The following PITPNC1 variants were observed in gnomAD, a reference collection of about 807,000 sequenced individuals.
The protein encoded by PITPNC1 is cytoplasmic phosphatidylinositol transfer protein 1.
Under a neutral mutation model 44.7 loss-of-function variants are expected in PITPNC1, and 18 were observed. The observed-to-expected ratio is 0.40, with a 90% CI of 0.28 to 0.60. The LOEUF is 0.60. Among genes scored for constraint, PITPNC1 ranks in the 20% least tolerant of loss-of-function variants. The pLI is 0.39. For synonymous variants in PITPNC1, 141 were observed against 149.6 expected (o/e 0.94, Z 0.42); for missense variants, 290 against 418.4 (o/e 0.69, Z 2.68).
At chr17:67,409,379 C>A (rs1030584172) in intron 1 of PITPNC1, among the ~76,000 whole-genome samples, 1 of 151,938 alleles carries the variant, frequency 6.6e-6, no homozygotes, top group South Asian at 2.1e-4. Flanking sequence ...CCACCGCGCC[C>A]GGCCCCAAAT....
intron 1 of PITPNC1, among the ~76,000 whole-genome samples, chr17:67,401,611 C>T (rs1450551470): frequency 2.0e-5 from 3 of 151,906 alleles, no homozygotes; most frequent in African/African-American, 4.8e-5. Context: ...TTTGGGAGGC[C>T]GAGGCAGGTG....
chr17:67,626,262 A>T (rs2041894533), intron 5 of PITPNC1, among the ~76,000 whole-genome samples: 1 of 152,276 alleles, frequency 6.6e-6, no homozygotes, highest in Non-Finnish European at 1.5e-5. Context: ...CTGGGATTAC[A>T]GGGATGAGCC....
intron 6 of PITPNC1, among the ~76,000 whole-genome samples, chr17:67,640,685 G>GAAAAAAA (rs71139165): frequency 3.0e-5 from 3 of 100,218 alleles, no homozygotes; most frequent in African/African-American, 3.9e-5. Context: ...TGTTGAAAAA[G>GAAAAAAA]AAAAAAAAAA....
chr17:67,577,259 C>G (rs141443240), intron 4 of PITPNC1, among the ~76,000 whole-genome samples: 1 of 152,120 alleles, frequency 6.6e-6, no homozygotes, highest in African/African-American at 2.4e-5. Flanking sequence ...CCACTGCACC[C>G]CAGCCTGGGT....
At chr17:67,426,758 T>G (rs2038772649) in intron 1 of PITPNC1, among the ~76,000 whole-genome samples, 1 of 152,198 alleles carries the variant, frequency 6.6e-6, no homozygotes, top group Non-Finnish European at 1.5e-5. Context: ...TACATATGTT[T>G]AGAGAAAGGA....
chr17:67,656,941 T>C (rs1338627210), intron 6 of PITPNC1, among the ~76,000 whole-genome samples: 3 of 151,434 alleles, frequency 2.0e-5, no homozygotes, highest in African/African-American at 7.3e-5. Flanking sequence ...GTAAGAGAGG[T>C]CAACCGATGT....
At chr17:67,639,997 C>T (rs1014788444) in intron 6 of PITPNC1, among the ~76,000 whole-genome samples, 7 of 152,140 alleles carry the variant, frequency 4.6e-5, no homozygotes, top group East Asian at 3.8e-4. Context: ...AAAGATTTTC[C>T]GTTACCTCTA....
At chr17:67,606,367 C>G (rs1054994335) in intron 5 of PITPNC1, among the ~76,000 whole-genome samples, 1 of 152,144 alleles carries the variant, frequency 6.6e-6, no homozygotes, top group South Asian at 2.1e-4. Flanking sequence ...GACAAGGGAC[C>G]CTTTTTTTAC....
At chr17:67,590,963 A>AAAG (rs2041383581) in intron 5 of PITPNC1, among the ~76,000 whole-genome samples, 3 of 151,886 alleles carry the variant, frequency 2.0e-5, no homozygotes, top group African/African-American at 7.3e-5. Context: ...CAAAAAAAAA[A>AAAG]AAAGAAAGAA....
At chr17:67,612,278 T>A (rs755571103) in intron 5 of PITPNC1, 1 of 152,646 alleles carries the variant, frequency 6.6e-6, no homozygotes, top group Admixed American at 6.6e-5. Context: ...CACAGGGTCA[T>A]GGGGGCAGGC....
intron 1 of PITPNC1, among the ~76,000 whole-genome samples, chr17:67,458,909 C>G (rs954409923): frequency 3.9e-5 from 6 of 151,992 alleles, no homozygotes; most frequent in African/African-American, 1.2e-4. Context: ...TAGTTTAGAA[C>G]GGCCTGGATC....
chr17:67,664,323 T>A (rs1033775199), intron 6 of PITPNC1, among the ~76,000 whole-genome samples: 2 of 152,226 alleles, frequency 1.3e-5, no homozygotes, highest in Admixed American at 1.3e-4. Context: ...CTATTCTGTA[T>A]CCATTCATCA....
intron 1 of PITPNC1, among the ~76,000 whole-genome samples, chr17:67,380,135 C>G (rs969710592): frequency 6.7e-6 from 1 of 149,408 alleles, no homozygotes; most frequent in African/African-American, 2.5e-5. Flanking sequence ...GGCGCAATGG[C>G]GAGATCTCGG....
chr17:67,407,525 C>T (rs2038417865), intron 1 of PITPNC1, among the ~76,000 whole-genome samples: 2 of 151,904 alleles, frequency 1.3e-5, no homozygotes, highest in African/African-American at 2.4e-5. Context: ...AAAATAAGGC[C>T]GACGTGGTGG....
chr17:67,385,688 G>A (rs937533703), intron 1 of PITPNC1, among the ~76,000 whole-genome samples: 1 of 152,158 alleles, frequency 6.6e-6, no homozygotes, highest in African/African-American at 2.4e-5. Flanking sequence ...ACCATCTCCG[G>A]ACACAGTTCC....
At chr17:67,413,974 G>A (rs1470171347) in intron 1 of PITPNC1, among the ~76,000 whole-genome samples, 1 of 151,924 alleles carries the variant, frequency 6.6e-6, no homozygotes, top group African/African-American at 2.4e-5. Flanking sequence ...CTACTTGATT[G>A]TAAACACTCC....
chr17:67,517,037 C>T (rs944860867), intron 1 of PITPNC1, among the ~76,000 whole-genome samples: 4 of 152,206 alleles, frequency 2.6e-5, no homozygotes, highest in Non-Finnish European at 5.9e-5. Flanking sequence ...GTAATTAGCA[C>T]ATTTGGACAC....
chr17:67,457,949 G>C (rs894147960), intron 1 of PITPNC1: 2 of 152,218 alleles, frequency 1.3e-5, no homozygotes, highest in African/African-American at 4.8e-5. Context: ...CCATGTCTCA[G>C]ATTCACTCAC....
chr17:67,447,089 C>CAAAAAAAAAA (rs749024248), intron 1 of PITPNC1, among the ~76,000 whole-genome samples: 12 of 35,342 alleles, frequency 3.4e-4, no homozygotes, highest in Non-Finnish European at 4.1e-4. Context: ...GACTCTGTCT[C>CAAAAAAAAAA]AAAAAAAAAA....
Sources: gnomAD v4.1 joint callset for allele counts (sites outside exome capture counted in the v4.1 genomes callset) on GRCh38, gnomAD v4.1.1 for gene constraint, MANE v1.5 for transcripts, NCBI Gene and HGNC (gene_info 2026-07-23, HGNC 2026-07-21) for gene names.